The following WWOX variants were observed in gnomAD, a reference collection of about 807,000 sequenced individuals.
WWOX encodes the protein WW domain-containing oxidoreductase.
In WWOX, 69 loss-of-function variants were observed where a neutral mutation model predicts 46.2. The ratio of observed to expected loss-of-function variants is 1.49; its 90% CI spans 1.23 to 1.82. The LOEUF is 1.82. WWOX is among the 40% of genes most tolerant of loss of function. The pLI is 0.00. For missense variants in WWOX, 919 were observed against 542.6 expected, an observed-to-expected ratio of 1.69 and a Z score of -6.89; for synonymous variants, 359 against 202.6, an observed-to-expected ratio of 1.77 and a Z score of -6.56.
chr16:78,384,970 C>G (rs1043008858), intron 5 of WWOX, among the ~76,000 whole-genome samples: 2 of 152,084 alleles, frequency 1.3e-5, no homozygotes, highest in African/African-American at 4.8e-5. Flanking sequence ...CCCGTCTGTA[C>G]TGAAAATACA....
chr16:78,366,585 A>G (rs142803844), intron 5 of WWOX, among the ~76,000 whole-genome samples: 5 of 152,348 alleles, frequency 3.3e-5, no homozygotes, highest in African/African-American at 1.2e-4. Flanking sequence ...ATTCCTGCCC[A>G]GCACCTGGCT....
rs994495512 is a variant in WWOX, at chr16:78,343,659, T to C, written c.517-43201T>C. On this transcript the variant is annotated intron_variant, in intron 5 of 8. Coordinates refer to ENST00000566780, the MANE Select transcript of WWOX (RefSeq NM_016373.4). Reference sequence around the variant, plus strand: ...CAGTATTTTAGTATATTTCTGTAAATAGCACATGTGCTAGATAGCAGATTT... The same window carrying C: ...CAGTATTTTAGTATATTTCTGTAAACAGCACATGTGCTAGATAGCAGATTT... 7.5e-4 allele frequency among the ~76,000 whole-genome samples: 91 copies of C among 120,984 alleles called. 18 individuals are homozygous for C. The highest frequency in any genetic ancestry group is 2.5e-3 in the African/African-American group (88 of 35,688). 79.4% of individuals were successfully genotyped at this position (120,984 alleles called of 152,430 possible). A position where few individuals can be genotyped will look rare whatever the true frequency, so the allele number is the denominator to read the frequency against.
intron 8 of WWOX, among the ~76,000 whole-genome samples, chr16:78,655,769 C>A (rs1031539067): frequency 1.3e-5 from 2 of 152,146 alleles, no homozygotes; most frequent in Non-Finnish European, 2.9e-5. Flanking sequence ...GAACAATTAT[C>A]ACCAAATGAA....
chr16:78,398,411 T>C (rs1489474627), intron 6 of WWOX, among the ~76,000 whole-genome samples: 6 of 152,160 alleles, frequency 3.9e-5, no homozygotes, highest in Admixed American at 6.5e-5. Context: ...TAAGCATAGA[T>C]TCCAAAGTGA....
At chr16:78,369,296 C>T (rs2151919728) in intron 5 of WWOX, among the ~76,000 whole-genome samples, 1 of 152,028 alleles carries the variant, frequency 6.6e-6, no homozygotes, top group East Asian at 1.9e-4. Flanking sequence ...CTGAAACTCA[C>T]ATATTTCATA....
At chr16:78,132,659 C>G (rs1426261429) in intron 4 of WWOX, among the ~76,000 whole-genome samples, 5 of 152,188 alleles carry the variant, frequency 3.3e-5, no homozygotes, top group Non-Finnish European at 5.9e-5. Context: ...GCAGCCTTAC[C>G]CATTTTATTT....
intron 8 of WWOX, among the ~76,000 whole-genome samples, chr16:78,738,073 G>T (rs529444432): frequency 1.2e-4 from 18 of 152,274 alleles, no homozygotes; most frequent in South Asian, 6.2e-4. Context: ...AGTGGCAGCT[G>T]CCCACTTCCA....
intron 8 of WWOX, among the ~76,000 whole-genome samples, chr16:79,113,290 G>A (rs1262036014): frequency 1.3e-5 from 2 of 152,170 alleles, no homozygotes; most frequent in East Asian, 3.9e-4. Context: ...GATGACGGGT[G>A]AAGAATTCAC....
intron 6 of WWOX, among the ~76,000 whole-genome samples, chr16:78,387,770 ATAAC>A (rs1209155494): frequency 6.6e-6 from 1 of 152,194 alleles, no homozygotes; most frequent in East Asian, 1.9e-4. Context: ...TCATTAATAA[ATAAC>A]TTCATTTATT....
chr16:78,135,626 C>T (rs986239356), intron 4 of WWOX, among the ~76,000 whole-genome samples: 9 of 151,576 alleles, frequency 5.9e-5, no homozygotes, highest in African/African-American at 2.2e-4. Flanking sequence ...TCTTTTCTTT[C>T]TACTAAATTT....
At position 78,792,953 on chromosome 16, in the gene WWOX, A is replaced by G. The variant is rs76764365; in HGVS notation, c.1056+360201A>G. Among the ~76,000 whole-genome samples, 981 of 152,312 alleles carry G rather than the reference A, an allele frequency of 6.4e-3. 11 individuals are homozygous for G. Among genetic ancestry groups the G allele is most frequent in the African/African-American group, 0.022 (933 of 41,566 alleles). Reference sequence around the variant, plus strand: ...AAACCTTGATAACCATGGCAATGCAATAGGAAATCTCTTTATTTCGTTGGT... The same window carrying G: ...AAACCTTGATAACCATGGCAATGCAGTAGGAAATCTCTTTATTTCGTTGGT... On this transcript the variant is annotated intron_variant, in intron 8 of 8. Coordinates refer to ENST00000566780, the MANE Select transcript of WWOX (RefSeq NM_016373.4).
intron 8 of WWOX, among the ~76,000 whole-genome samples, chr16:78,619,140 AAAATATATATATATATAT>A (rs2046107126): frequency 8.5e-5 from 1 of 11,752 alleles, no homozygotes; most frequent in Non-Finnish European, 1.8e-4. Context: ...TACTAAAAAA[AAAATATATATATATATAT>A]ATATATATAT....
intron 5 of WWOX, among the ~76,000 whole-genome samples, chr16:78,186,259 G>A (rs568457711): frequency 3.4e-5 from 5 of 147,872 alleles, no homozygotes; most frequent in Admixed American, 6.7e-5. Flanking sequence ...TTTTTGACAC[G>A]GCTCCTGGAA....
chr16:79,061,100 G>T (rs1424110141), intron 8 of WWOX, among the ~76,000 whole-genome samples: 1 of 152,144 alleles, frequency 6.6e-6, no homozygotes, highest in Admixed American at 6.5e-5. Context: ...CGCAAGAGAG[G>T]TACATTGGGT....
At chr16:78,665,617 G>T (rs1294517385) in intron 8 of WWOX, among the ~76,000 whole-genome samples, 1 of 151,996 alleles carries the variant, frequency 6.6e-6, no homozygotes, top group Admixed American at 6.6e-5. Flanking sequence ...CCCTGTCAGG[G>T]TGGGTCCTAG....
At chr16:78,260,321 C>G (rs963462056) in intron 5 of WWOX, among the ~76,000 whole-genome samples, 1 of 151,456 alleles carries the variant, frequency 6.6e-6, no homozygotes, top group African/African-American at 2.4e-5. Context: ...CCACAAAGAC[C>G]CCATCCAAAG....
chr16:78,910,558 C>T (rs1023959948), intron 8 of WWOX, among the ~76,000 whole-genome samples: 4 of 150,614 alleles, frequency 2.7e-5, no homozygotes, highest in African/African-American at 9.8e-5. Context: ...TCTCATACTA[C>T]TGAGAAAGAC....
intron 8 of WWOX, among the ~76,000 whole-genome samples, chr16:79,059,363 C>T (rs757234126): frequency 6.6e-6 from 1 of 152,222 alleles, no homozygotes; most frequent in Admixed American, 6.5e-5. Flanking sequence ...TTCTCAAACA[C>T]TTTAACAATC....
At chr16:78,615,204 C>G (rs1171792868) in intron 8 of WWOX, among the ~76,000 whole-genome samples, 1 of 152,114 alleles carries the variant, frequency 6.6e-6, no homozygotes, top group Non-Finnish European at 1.5e-5. Context: ...TCTAGAAACT[C>G]TCTGTTTTTT....
Sources: allele counts gnomAD v4.1 joint callset (sites outside exome capture counted in the v4.1 genomes callset), GRCh38; gene constraint gnomAD v4.1.1; transcripts MANE v1.5; gene names NCBI Gene and HGNC (gene_info 2026-07-23, HGNC 2026-07-21).